The following RALYL variants were observed in gnomAD, a reference collection of about 807,000 sequenced individuals.
The protein encoded by RALYL is RALY RNA binding protein like, also known as RNA-binding Raly-like protein.
Under a neutral mutation model 35.1 loss-of-function variants are expected in RALYL, and 29 were observed. The ratio of observed to expected loss-of-function variants is 0.83; its 90% CI spans 0.61 to 1.13. RALYL has a LOEUF of 1.13. Among genes scored for constraint, RALYL ranks in the 50% most tolerant of loss-of-function variants. RALYL has a pLI of 0.00. For synonymous variants in RALYL, 120 were observed against 127.6 expected (o/e 0.94, Z 0.40); for missense variants, 359 against 360.4 (o/e 1.00, Z 0.03).
At chr8:84,492,999 C>G (rs148331740) in intron 1 of RALYL, among the ~76,000 whole-genome samples, 2,402 of 152,118 alleles carry the variant, frequency 0.016, 32 homozygotes, top group Middle Eastern at 0.065. Flanking sequence ...GTTTGCTGCA[C>G]CTGTCAACCC....
rs117060613 is a variant in RALYL at position 84,887,811 on chromosome 8, G to A, written c.858+35G>A. On this transcript the variant is annotated intron_variant, in intron 8 of 8. Coordinates refer to ENST00000521268, the MANE Select transcript of RALYL (RefSeq NM_173848.7). Reference sequence around the variant, plus strand: ...AAACATTTGGTATTCACACCCTTTGGGTAACAACACTAGCATGTTAGCAAC... The same window carrying A: ...AAACATTTGGTATTCACACCCTTTGAGTAACAACACTAGCATGTTAGCAAC... 3.9e-3 allele frequency: 6,160 copies of A among 1,570,416 alleles called. 17 individuals carry two copies. The highest frequency in any genetic ancestry group is 4.9e-3 in the Non-Finnish European group (5,699 of 1,153,392).
chr8:84,716,008 T>C (rs1842901530), intron 2 of RALYL, among the ~76,000 whole-genome samples: 1 of 152,138 alleles, frequency 6.6e-6, no homozygotes, highest in South Asian at 2.1e-4. Context: ...TTTTGTAATG[T>C]TCCATGCCTT....
intron 2 of RALYL, among the ~76,000 whole-genome samples, chr8:84,600,129 T>C (rs1404504723): frequency 6.6e-6 from 1 of 152,140 alleles, no homozygotes; most frequent in South Asian, 2.1e-4. Flanking sequence ...AACTTTTAAC[T>C]TGGGAATTTG....
At chr8:84,391,400 A>G (rs996813541) in intron 1 of RALYL, among the ~76,000 whole-genome samples, 1 of 152,032 alleles carries the variant, frequency 6.6e-6, no homozygotes, top group Non-Finnish European at 1.5e-5. Context: ...ACTCATTTAC[A>G]TCTAAAGAAA....
chr8:84,625,886 G>T (rs564699087), intron 2 of RALYL, among the ~76,000 whole-genome samples: 1 of 152,282 alleles, frequency 6.6e-6, no homozygotes, highest in African/African-American at 2.4e-5. Context: ...AGAGTGTCAT[G>T]GTCAAGTCAC....
intron 3 of RALYL, among the ~76,000 whole-genome samples, chr8:84,799,240 C>T (rs1047335137): frequency 2.0e-5 from 3 of 152,018 alleles, no homozygotes; most frequent in Admixed American, 6.5e-5. Context: ...TTTAATTCAC[C>T]ACGGTTAAGT....
intron 2 of RALYL, among the ~76,000 whole-genome samples, chr8:84,541,148 G>A (rs1166297031): frequency 6.6e-6 from 1 of 151,294 alleles, no homozygotes; most frequent in South Asian, 2.1e-4. Context: ...CACTTTGTGG[G>A]TTTAATTTGC....
At chr8:84,469,928 T>C (rs1026829128) in intron 1 of RALYL, among the ~76,000 whole-genome samples, 2 of 152,170 alleles carry the variant, frequency 1.3e-5, no homozygotes, top group African/African-American at 4.8e-5. Context: ...AGCCCTTTCT[T>C]TGACTCAGAC....
chr8:84,442,772 G>A (rs993554225), intron 1 of RALYL, among the ~76,000 whole-genome samples: 1 of 152,180 alleles, frequency 6.6e-6, no homozygotes, highest in East Asian at 1.9e-4. Context: ...CAGAAAACAG[G>A]CCACAAAAGA....
intron 1 of RALYL, among the ~76,000 whole-genome samples, chr8:84,476,210 C>T (rs1472107810): frequency 6.6e-6 from 1 of 152,092 alleles, no homozygotes; most frequent in African/African-American, 2.4e-5. Context: ...AGATTCTATG[C>T]TAATTTCAAT....
Position 84,887,718 on chromosome 8 carries a change from G to C in RALYL, c.800G>C (p.Gly267Ala). 1 of 1,613,946 alleles carries C rather than the reference G, an allele frequency of 6.2e-7. No individual in the cohort carries two copies. Among genetic ancestry groups the C allele is most frequent in the Non-Finnish European group, 8.5e-7 (1 of 1,179,830 alleles). ...GCTGAAGGAGGGCCAGATGCCGATG[G>C]AGAAGAGATGACAGATGGGATAGAG... ...EPAEGGPDAD[G>A]EEMTDGIEED... Residue 267 changes from glycine (G) to alanine (A), a missense_variant, in exon 8 of 9, where the codon GGA becomes GCA. Gly to Ala is a moderately conservative substitution (Grantham distance 60). Transcript: ENST00000521268.
At chr8:84,209,518 G>T (rs952295482) in intron 1 of RALYL, among the ~76,000 whole-genome samples, 4 of 152,164 alleles carry the variant, frequency 2.6e-5, no homozygotes, top group African/African-American at 7.2e-5. Context: ...TATAAACTGA[G>T]CCACTACAGG....
intron 1 of RALYL, among the ~76,000 whole-genome samples, chr8:84,369,050 T>C (rs1233112917): frequency 6.6e-6 from 1 of 152,160 alleles, no homozygotes; most frequent in African/African-American, 2.4e-5. Context: ...TAAGGGATTT[T>C]GAACCTATGA....
intron 2 of RALYL, among the ~76,000 whole-genome samples, chr8:84,554,535 T>C (rs2060962489): frequency 6.6e-6 from 1 of 152,192 alleles, no homozygotes; most frequent in Non-Finnish European, 1.5e-5. Context: ...TCACTGTATG[T>C]TCATCACCAA....
chr8:84,667,723 G>A (rs554643639), intron 2 of RALYL, among the ~76,000 whole-genome samples: 65 of 151,972 alleles, frequency 4.3e-4, no homozygotes, highest in African/African-American at 1.4e-3. Flanking sequence ...ACTTGACCCC[G>A]GTCATCATTG....
chr8:84,876,880 A>C (rs1245950024), intron 7 of RALYL, among the ~76,000 whole-genome samples: 1 of 152,206 alleles, frequency 6.6e-6, no homozygotes, highest in Admixed American at 6.5e-5. Flanking sequence ...ATTAATGTCC[A>C]AAAATTGGAG....
intron 2 of RALYL, among the ~76,000 whole-genome samples, chr8:84,623,514 T>G (rs1037558819): frequency 6.6e-6 from 1 of 152,142 alleles, no homozygotes; most frequent in African/African-American, 2.4e-5. Flanking sequence ...AGAATTAAAT[T>G]TACATACTCT....
At chr8:84,713,435 T>A (rs576089589) in intron 2 of RALYL, among the ~76,000 whole-genome samples, 1 of 152,024 alleles carries the variant, frequency 6.6e-6, no homozygotes, top group South Asian at 2.1e-4. Context: ...AAAGAAGACA[T>A]ACAAATAATC....
chr8:84,451,010 A>G (rs2049410012), intron 1 of RALYL, among the ~76,000 whole-genome samples: 2 of 151,938 alleles, frequency 1.3e-5, no homozygotes, highest in South Asian at 4.1e-4. Flanking sequence ...TTCCCAACCA[A>G]TTTGGTGTGG....
Sources: gnomAD v4.1 joint callset for allele counts (sites outside exome capture counted in the v4.1 genomes callset) on GRCh38, gnomAD v4.1.1 for gene constraint, MANE v1.5 for transcripts, NCBI Gene and HGNC (gene_info 2026-07-23, HGNC 2026-07-21) for gene names.